FOCAD: variants seen among roughly 807,000 people sequenced by gnomAD.
The protein encoded by FOCAD is focadhesin.
Under a neutral mutation model 225.6 loss-of-function variants are expected in FOCAD, and 198 were observed. That is an observed-to-expected ratio of 0.88 (90% CI 0.78 to 0.99). FOCAD has a LOEUF of 0.99. Among genes scored for constraint, FOCAD ranks in the 50% least tolerant of loss-of-function variants. FOCAD has a pLI of 0.00. For missense variants in FOCAD, 2,713 were observed against 2,123.6 expected (o/e 1.28, Z -5.46); for synonymous variants, 897 against 755.0 (o/e 1.19, Z -3.08).
chr9:20,984,653 G>A (rs1840990638), intron 39 of FOCAD, among the ~76,000 whole-genome samples: 1 of 151,350 alleles, frequency 6.6e-6, no homozygotes, highest in African/African-American at 2.5e-5. Flanking sequence ...CTGTTGTGAG[G>A]TTGTTTTGGT....
At position 20,696,791 on chromosome 9, in the gene FOCAD, AGAC is replaced by A. The variant is rs1418333963; in HGVS notation, c.-33+12499_-33+12501del. ...CTGCACTCCAGCCTGGGTGACAGCA[AGAC>A]TCTATCTTATAATAATAATAATAAT... On this transcript the variant is annotated intron_variant, in intron 1 of 43. Transcript: ENST00000338382. 2.6e-5 allele frequency among the ~76,000 whole-genome samples: 4 copies of A among 152,116 alleles called. No individual in the cohort carries two copies. The East Asian group carries it at 5.8e-4, about 22-fold the overall frequency.
chr9:20,962,495 T>C (rs1838841832), intron 35 of FOCAD, among the ~76,000 whole-genome samples: 1 of 152,002 alleles, frequency 6.6e-6, no homozygotes, highest in African/African-American at 2.4e-5. Flanking sequence ...AAGCAGCATT[T>C]AGCTGGAGAA....
intron 14 of FOCAD, 41 bp downstream of exon 14, chr9:20,821,112 A>G: frequency 6.4e-7 from 1 of 1,552,760 alleles, no homozygotes; most frequent in Non-Finnish European, 8.7e-7. Flanking sequence ...ATCATGATAT[A>G]TTATTTTGTA....
At chr9:20,840,848 G>C (rs1265567299) in intron 15 of FOCAD, among the ~76,000 whole-genome samples, 1 of 151,900 alleles carries the variant, frequency 6.6e-6, no homozygotes, top group Non-Finnish European at 1.5e-5. Flanking sequence ...TGTAATACTA[G>C]CTGTGGGTCT....
rs550165472 is a variant in FOCAD, at chr9:20,918,097, G to T, written c.2852+1160G>T. ...GAGAGGGCTCAGTTGCATATCAGAG[G>T]GGGAGGGGATGCTGGGATGAGAATG... On this transcript the variant is annotated intron_variant, in intron 24 of 43. Coordinates refer to ENST00000338382, the MANE Select transcript of FOCAD (RefSeq NM_001375567.1). 2.6e-5 allele frequency among the ~76,000 whole-genome samples: 4 copies of T among 152,308 alleles called. 1 individual carries two copies. The highest frequency in any genetic ancestry group is 2.1e-4 in the South Asian group (1 of 4,826).
chr9:20,882,878 A>G (rs1201315912), intron 20 of FOCAD, among the ~76,000 whole-genome samples: 1 of 152,152 alleles, frequency 6.6e-6, no homozygotes, highest in Admixed American at 6.6e-5. Flanking sequence ...TAATTTTTTC[A>G]GATTGAGGAG....
chr9:20,927,021 C>CAT (rs72317127), intron 26 of FOCAD, among the ~76,000 whole-genome samples: 70 of 148,844 alleles, frequency 4.7e-4, no homozygotes, highest in African/African-American at 7.4e-4. Flanking sequence ...TATGTATAGA[C>CAT]ATATATATAT....
intron 11 of FOCAD, among the ~76,000 whole-genome samples, chr9:20,800,924 C>G (rs1488021539): frequency 6.6e-6 from 1 of 152,150 alleles, no homozygotes; most frequent in Non-Finnish European, 1.5e-5. Flanking sequence ...GAGAGGCGCT[C>G]TGATTTTTAG....
intron 26 of FOCAD, 51 bp from the exon 27 acceptor site, chr9:20,929,307 C>G (rs1244346471): frequency 8.4e-6 from 12 of 1,433,906 alleles, no homozygotes; most frequent in Non-Finnish European, 1.2e-5. Context: ...GATAGGTATG[C>G]TTCCTTCATG....
At chr9:20,845,167 G>A (rs1382594649) in intron 15 of FOCAD, among the ~76,000 whole-genome samples, 1 of 151,922 alleles carries the variant, frequency 6.6e-6, no homozygotes, top group Non-Finnish European at 1.5e-5. Flanking sequence ...CTACTTATTA[G>A]AATATGCATA....
intron 20 of FOCAD, among the ~76,000 whole-genome samples, chr9:20,883,977 G>A (rs577976281): frequency 5.9e-5 from 9 of 152,334 alleles, no homozygotes; most frequent in South Asian, 2.1e-4. Context: ...ACTGACCGTT[G>A]TGGAAAGGGC....
chr9:20,915,006 C>A (rs1833755541), intron 23 of FOCAD, among the ~76,000 whole-genome samples: 1 of 152,110 alleles, frequency 6.6e-6, no homozygotes, highest in Non-Finnish European at 1.5e-5. Flanking sequence ...ATCAAAGATA[C>A]TCCAAGATTT....
intron 15 of FOCAD, among the ~76,000 whole-genome samples, chr9:20,855,052 A>C (rs1165367714): frequency 6.6e-6 from 1 of 151,808 alleles, no homozygotes; most frequent in African/African-American, 2.4e-5. Flanking sequence ...TTAATTTAAA[A>C]GGAAAAAATG....
At chr9:20,899,912 G>A (rs1416887902) in intron 21 of FOCAD, among the ~76,000 whole-genome samples, 1 of 151,824 alleles carries the variant, frequency 6.6e-6, no homozygotes, top group Non-Finnish European at 1.5e-5. Flanking sequence ...TGACAGTCTT[G>A]TTTGGACTTC....
chr9:20,951,388 T>C (rs546768510), intron 34 of FOCAD, among the ~76,000 whole-genome samples: 325 of 152,296 alleles, frequency 2.1e-3, no homozygotes, highest in Middle Eastern at 6.8e-3. Context: ...AGACATTCAG[T>C]GTCCTGTATT....
At chr9:20,923,190 T>G (rs1834616431) in intron 24 of FOCAD, among the ~76,000 whole-genome samples, 1 of 152,200 alleles carries the variant, frequency 6.6e-6, no homozygotes, top group South Asian at 2.1e-4. Flanking sequence ...TTGTAAGGTA[T>G]GCAGGCTGAA....
intron 11 of FOCAD, among the ~76,000 whole-genome samples, chr9:20,802,185 G>A (rs1447137719): frequency 6.6e-6 from 1 of 152,032 alleles, no homozygotes; most frequent in East Asian, 1.9e-4. Context: ...TGGAAGCTGT[G>A]TCCTGTCATT....
At chr9:20,735,376 G>T (rs1297157885) in intron 4 of FOCAD, among the ~76,000 whole-genome samples, 2 of 151,948 alleles carry the variant, frequency 1.3e-5, no homozygotes, top group African/African-American at 2.4e-5. Flanking sequence ...AATCTTTATA[G>T]TCACATTTGA....
chr9:20,800,319 A>C (rs1821654904), intron 11 of FOCAD, among the ~76,000 whole-genome samples: 1 of 151,818 alleles, frequency 6.6e-6, no homozygotes, highest in South Asian at 2.1e-4. Context: ...TCTGACAATT[A>C]TGTGTCTTGG....
Sources: allele counts gnomAD v4.1 joint callset (sites outside exome capture counted in the v4.1 genomes callset), GRCh38; gene constraint gnomAD v4.1.1; transcripts MANE v1.5; gene names NCBI Gene and HGNC (gene_info 2026-07-23, HGNC 2026-07-21).